The following TTK variants were observed in gnomAD, a reference collection of about 807,000 sequenced individuals.
The protein encoded by TTK is dual specificity protein kinase TTK.
A neutral mutation model predicts 117.3 loss-of-function variants in TTK; 59 were observed. The ratio of observed to expected loss-of-function variants is 0.50; its 90% CI spans 0.41 to 0.62. The LOEUF is 0.62. Among genes scored for constraint, TTK ranks in the 20% least tolerant of loss-of-function variants. The pLI is 0.00. For synonymous variants in TTK, 302 were observed against 325.0 expected (o/e 0.93, Z 0.76); for missense variants, 921 against 989.4 (o/e 0.93, Z 0.93).
At position 80,039,393 on chromosome 6, in the gene TTK, AAC is replaced by A. The variant is rs1455592865; in HGVS notation, c.2131-302_2131-301del. ...TAATCCAGTAATTCTGGGGAAAACA[AAC>A]TTAAAACTTACATTTTTTAATTTTA... On this transcript the variant is annotated intron_variant, in intron 18 of 21. Coordinates refer to ENST00000369798, the MANE Select transcript of TTK (RefSeq NM_003318.5). Among the ~76,000 whole-genome samples the A allele has an allele frequency of 1.3e-3, 196 of 151,500 alleles. 1 individual carries two copies. Among genetic ancestry groups the A allele is most frequent in the African/African-American group, 4.7e-3 (194 of 41,424 alleles).
intron 16 of TTK, among the ~76,000 whole-genome samples, chr6:80,035,917 G>T (rs899144620): frequency 6.6e-6 from 1 of 151,314 alleles, no homozygotes; most frequent in African/African-American, 2.4e-5. Context: ...ATATTTTTTT[G>T]TTCTTAATAA....
chr6:80,027,532 CCATTATAGAA>C (rs1301055408), intron 12 of TTK, among the ~76,000 whole-genome samples: 2 of 151,994 alleles, frequency 1.3e-5, no homozygotes, highest in African/African-American at 2.4e-5. Flanking sequence ...TTCTAGCAAG[CCATTATAGAA>C]CATTATTGTT....
Position 80,013,380 on chromosome 6 carries a change from A to G in TTK, c.984+14A>G, listed in dbSNP as rs1215569717. 3 of 1,567,160 alleles carry G rather than the reference A, an allele frequency of 1.9e-6. No individual in the cohort carries two copies. The highest frequency in any genetic ancestry group is 2.3e-5 in the East Asian group (1 of 44,330). On this transcript the variant is annotated intron_variant, in intron 9 of 21. Coordinates refer to ENST00000369798, the MANE Select transcript of TTK (RefSeq NM_003318.5). ...AGAAATTTAAAGGTATTTTAATTCTATATCATTATATAAAGCAAGGGTTCC... is the reference window on the plus strand; with the variant it reads ...AGAAATTTAAAGGTATTTTAATTCTGTATCATTATATAAAGCAAGGGTTCC...
chr6:80,039,844 C>A lies in TTK; in HGVS notation c.2279C>A (p.Pro760Gln). ...CATGAAATTGAATTTCCCGATATTCCAGAGAAAGATCTTCAAGATGTGTTA... is the reference window on the plus strand; with the variant it reads ...CATGAAATTGAATTTCCCGATATTCAAGAGAAAGATCTTCAAGATGTGTTA... Reference protein sequence around the residue: ...PNHEIEFPDIPEKDLQDVLKC... With the variant: ...PNHEIEFPDIQEKDLQDVLKC... The change falls in exon 19 of 22, where the codon CCA becomes CAA. Residue 760 changes from proline (P) to glutamine (Q), a missense_variant. Coordinates refer to ENST00000369798, the MANE Select transcript of TTK (RefSeq NM_003318.5). 1 of 1,576,888 alleles carries A rather than the reference C, an allele frequency of 6.3e-7. No individual in the cohort carries two copies. The highest frequency in any genetic ancestry group is 1.7e-4 in the Middle Eastern group (1 of 5,794).
At chr6:80,006,060 T>G in intron 2 of TTK, 78 bp downstream of exon 2, 2 of 1,515,136 alleles carry the variant, frequency 1.3e-6, no homozygotes, top group Non-Finnish European at 8.9e-7. Flanking sequence ...CTAATCACTT[T>G]ATTTATAATT....
intron 18 of TTK, among the ~76,000 whole-genome samples, chr6:80,039,223 C>T: frequency 6.6e-6 from 1 of 151,970 alleles, no homozygotes; most frequent in South Asian, 2.1e-4. Context: ...TGGACACAAG[C>T]TCCGCATAGT....
Position 80,042,281 on chromosome 6 carries a change from A to G in TTK, c.*79A>G, listed in dbSNP as rs532046975. On this transcript the variant is annotated 3_prime_UTR_variant, in exon 22 of 22. Coordinates refer to ENST00000369798, the MANE Select transcript of TTK (RefSeq NM_003318.5). Reference sequence around the variant, plus strand: ...TACTCTTGAATCCCTGTGGAAATCTACATTTGAAGACAACATCACTCTGAA... The same window carrying G: ...TACTCTTGAATCCCTGTGGAAATCTGCATTTGAAGACAACATCACTCTGAA... The G allele has an allele frequency of 8.0e-6, 9 of 1,121,270 alleles. No homozygotes were observed. Among genetic ancestry groups the G allele is most frequent in the East Asian group, 2.4e-5 (1 of 41,012 alleles). 69.5% of individuals were successfully genotyped at this position (1,121,270 alleles called of 1,614,324 possible).
chr6:80,005,707 C>T, intron 1 of TTK, 135 bp from the exon 2 acceptor site: 1 of 912,894 alleles, frequency 1.1e-6, no homozygotes, highest in Non-Finnish European at 1.7e-6. Flanking sequence ...TCCATTAATA[C>T]TAGCCTAATA....
In TTK at chr6:80,037,963, A is replaced by T. The variant is rs751099734; in HGVS notation, c.2050-4A>T. The stretch of plus-strand genomic sequence containing the variant: ...ATTTGTGTTTTCTCTGACTTGGCAT[A>T]TAGGTTGGCACAGTTAATTATATGC... On this transcript the variant is annotated splice_polypyrimidine_tract_variant and splice_region_variant and intron_variant, in intron 17 of 21. Transcript: ENST00000369798. 3.2e-6 allele frequency: 5 copies of T among 1,566,546 alleles called. No homozygotes were observed. Among genetic ancestry groups the T allele is most frequent in the South Asian group, 1.2e-5 (1 of 81,096 alleles).
intron 2 of TTK, chr6:80,006,263 G>T (rs898327714): frequency 2.7e-6 from 1 of 365,882 alleles, no homozygotes; most frequent in Non-Finnish European, 5.1e-6. Context: ...AAAAGTATTA[G>T]CTCAGAAGCC....
At chr6:80,040,879 A>T (rs936550629) in intron 21 of TTK, among the ~76,000 whole-genome samples, 176 bp downstream of exon 21, 4 of 151,848 alleles carry the variant, frequency 2.6e-5, no homozygotes, top group African/African-American at 9.7e-5. Flanking sequence ...TACTTGATTT[A>T]TATTCTTCTT....
intron 9 of TTK, 116 bp downstream of exon 9, chr6:80,013,482 G>A (rs1019825402): frequency 3.6e-5 from 27 of 759,892 alleles, no homozygotes; most frequent in Non-Finnish European, 5.1e-5. Flanking sequence ...CTCCAACAGT[G>A]TTCCACATAC....
intron 14 of TTK, among the ~76,000 whole-genome samples, chr6:80,031,797 ACTT>A (rs1053185060): frequency 2.2e-4 from 34 of 152,086 alleles, no homozygotes; most frequent in African/African-American, 8.0e-4. Flanking sequence ...GTGCTTCTAA[ACTT>A]CTTCTTTAAT....
intron 10 of TTK, among the ~76,000 whole-genome samples, chr6:80,015,742 A>G (rs1054289054): frequency 3.3e-5 from 5 of 152,220 alleles, no homozygotes; most frequent in African/African-American, 1.2e-4. Context: ...TAATGTTTTA[A>G]ATGAATGCTT....
chr6:80,010,100 G>A (rs2127715632), intron 4 of TTK, among the ~76,000 whole-genome samples: 2 of 151,998 alleles, frequency 1.3e-5, no homozygotes, highest in Admixed American at 1.3e-4. Flanking sequence ...TAGCTCAATG[G>A]CTCCCATAAA....
intron 4 of TTK, among the ~76,000 whole-genome samples, chr6:80,010,483 C>T (rs1767113195): frequency 6.7e-6 from 1 of 150,064 alleles, no homozygotes; most frequent in African/African-American, 2.5e-5. Context: ...TTGTGATTGG[C>T]CTTTGCTGTC....
chr6:80,007,732 T>G, intron 2 of TTK, 77 bp from the exon 3 acceptor site: 2 of 1,222,288 alleles, frequency 1.6e-6, no homozygotes, highest in Non-Finnish European at 2.3e-6. Context: ...AATGTTTGAC[T>G]ATATTTTGAA....
intron 3 of TTK, 43 bp downstream of exon 3, chr6:80,008,074 TATG>T (rs749081107): frequency 1.9e-6 from 3 of 1,580,490 alleles, no homozygotes; most frequent in Admixed American, 3.5e-5. Flanking sequence ...TGTTACATAA[TATG>T]TAACTACACT....
At chr6:80,030,505 T>G (rs1273700478) in intron 13 of TTK, among the ~76,000 whole-genome samples, 1 of 152,122 alleles carries the variant, frequency 6.6e-6, no homozygotes, top group African/African-American at 2.4e-5. Flanking sequence ...GGCTGTACAG[T>G]AGGCATGATG....
Sources: gnomAD v4.1 joint callset for allele counts (sites outside exome capture counted in the v4.1 genomes callset) on GRCh38, gnomAD v4.1.1 for gene constraint, MANE v1.5 for transcripts, NCBI Gene and HGNC (gene_info 2026-07-23, HGNC 2026-07-21) for gene names.